CNTNAP2: variants seen among roughly 807,000 people sequenced by gnomAD.
CNTNAP2 encodes the protein contactin-associated protein-like 2.
Under a neutral mutation model 155.2 loss-of-function variants are expected in CNTNAP2, and 98 were observed. That is an observed-to-expected ratio of 0.63 (90% CI 0.54 to 0.75). The LOEUF is 0.75. Ranked by LOEUF, CNTNAP2 falls within the 30% of genes least tolerant of loss-of-function variation. The pLI is 0.00. For synonymous variants in CNTNAP2, 651 were observed against 631.2 expected, an observed-to-expected ratio of 1.03 and a Z score of -0.47; for missense variants, 1,727 against 1,688.1, an observed-to-expected ratio of 1.02 and a Z score of -0.40.
At chr7:148,210,016 C>T (rs1033812176) in intron 18 of CNTNAP2, among the ~76,000 whole-genome samples, 12 of 152,298 alleles carry the variant, frequency 7.9e-5, no homozygotes, top group African/African-American at 2.6e-4. Flanking sequence ...ATGTAATTTA[C>T]GACCTGCTAA....
intron 1 of CNTNAP2, among the ~76,000 whole-genome samples, chr7:146,709,344 A>G (rs1200153351): frequency 6.6e-6 from 1 of 152,162 alleles, no homozygotes; most frequent in Non-Finnish European, 1.5e-5. Context: ...TTGTAGTTCT[A>G]CAGCACCACA....
intron 1 of CNTNAP2, among the ~76,000 whole-genome samples, chr7:146,478,609 T>A (rs1015716793): frequency 3.2e-4 from 48 of 151,864 alleles, no homozygotes; most frequent in African/African-American, 1.1e-3. Flanking sequence ...TGCCACCTAA[T>A]GTTATGCTTA....
At chr7:146,528,174 G>A (rs1393557917) in intron 1 of CNTNAP2, among the ~76,000 whole-genome samples, 1 of 152,132 alleles carries the variant, frequency 6.6e-6, no homozygotes, top group African/African-American at 2.4e-5. Context: ...GTGGCTTAGA[G>A]AAATCCACCC....
At chr7:147,194,822 A>T (rs930151963) in intron 8 of CNTNAP2, among the ~76,000 whole-genome samples, 2 of 151,996 alleles carry the variant, frequency 1.3e-5, no homozygotes, top group Non-Finnish European at 1.5e-5. Flanking sequence ...GGATATTAGA[A>T]CTTTGTCAGA....
intron 8 of CNTNAP2, among the ~76,000 whole-genome samples, chr7:147,184,131 C>G (rs1295057846): frequency 6.6e-6 from 1 of 152,014 alleles, no homozygotes; most frequent in Non-Finnish European, 1.5e-5. Flanking sequence ...GTAAAATGGC[C>G]TCGGGAAGCT....
intron 13 of CNTNAP2, among the ~76,000 whole-genome samples, chr7:147,674,331 T>C (rs1252652621): frequency 6.6e-6 from 1 of 152,276 alleles, no homozygotes; most frequent in African/African-American, 2.4e-5. Flanking sequence ...AGAGAGCATA[T>C]TTTTTAGTTG....
chr7:147,895,379 T>A (rs540512374), intron 13 of CNTNAP2, among the ~76,000 whole-genome samples: 1 of 152,298 alleles, frequency 6.6e-6, no homozygotes, highest in Admixed American at 6.5e-5. Flanking sequence ...CCCTTCACCA[T>A]AATAAAACTT....
At chr7:146,578,667 T>A (rs1798562574) in intron 1 of CNTNAP2, among the ~76,000 whole-genome samples, 1 of 152,138 alleles carries the variant, frequency 6.6e-6, no homozygotes, top group Admixed American at 6.6e-5. Flanking sequence ...CTTCATTTTA[T>A]CTCTGCTTTA....
At chr7:146,469,921 A>G (rs1343276884) in intron 1 of CNTNAP2, among the ~76,000 whole-genome samples, 2 of 150,196 alleles carry the variant, frequency 1.3e-5, no homozygotes, top group Non-Finnish European at 3.0e-5. Context: ...CTCACTGCAA[A>G]CTCCGCCTCA....
At chr7:147,751,646 C>T (rs1446756150) in intron 13 of CNTNAP2, among the ~76,000 whole-genome samples, 1 of 152,214 alleles carries the variant, frequency 6.6e-6, no homozygotes, top group African/African-American at 2.4e-5. Flanking sequence ...TTTTGTGCTA[C>T]ACAATAGCTG....
At chr7:147,273,644 G>C (rs543534407) in intron 8 of CNTNAP2, among the ~76,000 whole-genome samples, 51 of 151,320 alleles carry the variant, frequency 3.4e-4, no homozygotes, top group African/African-American at 1.2e-3. Context: ...TTTGTCTTAG[G>C]ATAATGGCCT....
chr7:146,663,832 A>T (rs1010336675), intron 1 of CNTNAP2, among the ~76,000 whole-genome samples: 1 of 152,022 alleles, frequency 6.6e-6, no homozygotes, highest in Non-Finnish European at 1.5e-5. Flanking sequence ...TTTCCAATCT[A>T]TATGCCCCAA....
At chr7:146,320,037 C>T (rs547185907) in intron 1 of CNTNAP2, among the ~76,000 whole-genome samples, 1 of 150,944 alleles carries the variant, frequency 6.6e-6, no homozygotes, top group East Asian at 1.9e-4. Context: ...ATTAAAACTC[C>T]ATTAATGGTT....
chr7:147,726,184 C>A (rs79983835), intron 13 of CNTNAP2, among the ~76,000 whole-genome samples: 1 of 151,870 alleles, frequency 6.6e-6, no homozygotes, highest in African/African-American at 2.4e-5. Context: ...TCCTGTACAA[C>A]GTGATACCTA....
intron 4 of CNTNAP2, among the ~76,000 whole-genome samples, chr7:147,060,740 T>C (rs1339197394): frequency 6.6e-6 from 1 of 151,990 alleles, no homozygotes; most frequent in African/African-American, 2.4e-5. Flanking sequence ...GGCGGGCGCC[T>C]GTAGTCCCAG....
intron 1 of CNTNAP2, among the ~76,000 whole-genome samples, chr7:146,754,011 C>A (rs1160105655): frequency 6.6e-6 from 1 of 152,004 alleles, no homozygotes; most frequent in East Asian, 1.9e-4. Context: ...CATGTAGATA[C>A]ATTCTTAGCA....
At chr7:146,973,909 T>A (rs1261181088) in intron 3 of CNTNAP2, among the ~76,000 whole-genome samples, 2 of 152,188 alleles carry the variant, frequency 1.3e-5, no homozygotes, top group Non-Finnish European at 2.9e-5. Flanking sequence ...GAATATGAAT[T>A]GAGCTCAGGC....
Position 146,116,804 on chromosome 7 carries a change from C to A in CNTNAP2, c.-73C>A. 1 of 1,261,410 alleles carries A rather than the reference C, an allele frequency of 7.9e-7. No individual in the cohort carries two copies. The highest frequency in any genetic ancestry group is 1.1e-6 in the Non-Finnish European group (1 of 906,126). The allele number at this position is 1,261,410 out of a possible 1,614,324, so 78.1% of individuals were successfully genotyped here. On this transcript the variant is annotated 5_prime_UTR_variant, in exon 1 of 24. Coordinates refer to ENST00000361727, the MANE Select transcript of CNTNAP2 (RefSeq NM_014141.6). This position sits in a 1 kb window ranked among gnomAD's most constrained non-coding sequence, Gnocchi z 5.5. Reference sequence around the variant, plus strand: ...TATTTGAGGACAGCCCATCTCCCTTCAAGAACCCTACGGAGAGTCGGACTG... The same window carrying A: ...TATTTGAGGACAGCCCATCTCCCTTAAAGAACCCTACGGAGAGTCGGACTG...
At chr7:146,228,481 C>T (rs1478987146) in intron 1 of CNTNAP2, among the ~76,000 whole-genome samples, 1 of 152,120 alleles carries the variant, frequency 6.6e-6, no homozygotes, top group African/African-American at 2.4e-5. Context: ...TAGAACATGG[C>T]TTTAGCAGAT....
Sources: allele counts gnomAD v4.1 joint callset (sites outside exome capture counted in the v4.1 genomes callset), GRCh38; gene constraint gnomAD v4.1.1; non-coding constraint Gnocchi (gnomAD v3.1); transcripts MANE v1.5; gene names NCBI Gene and HGNC (gene_info 2026-07-23, HGNC 2026-07-21).